ELAVL2: variants seen among roughly 807,000 people sequenced by gnomAD.
The protein encoded by ELAVL2 is ELAV like RNA binding protein 2.
In ELAVL2, 4 loss-of-function variants were observed where a neutral mutation model predicts 34.6. The ratio of observed to expected loss-of-function variants is 0.12; its 90% CI spans 0.06 to 0.26. ELAVL2 has a LOEUF of 0.26. Among genes scored for constraint, ELAVL2 ranks in the 10% least tolerant of loss-of-function variants. ELAVL2 has a pLI of 1.00. For missense variants in ELAVL2, 432 were observed against 442.8 expected, an observed-to-expected ratio of 0.98 and a Z score of 0.22; for synonymous variants, 193 against 154.8, an observed-to-expected ratio of 1.25 and a Z score of -1.83.
At chr9:23,801,867 C>T (rs2061604304) in intron 1 of ELAVL2, among the ~76,000 whole-genome samples, 1 of 152,118 alleles carries the variant, frequency 6.6e-6, no homozygotes, top group South Asian at 2.1e-4. Context: ...GAGTTTTCTT[C>T]TAACAAGCGC....
intron 3 of ELAVL2, among the ~76,000 whole-genome samples, chr9:23,713,793 C>T (rs1037158924): frequency 1.3e-5 from 2 of 152,148 alleles, no homozygotes; most frequent in Non-Finnish European, 2.9e-5. Context: ...CTGGCCACTA[C>T]ACAGCATACT....
At chr9:23,724,660 TAGA>T in intron 3 of ELAVL2, among the ~76,000 whole-genome samples, 1 of 152,258 alleles carries the variant, frequency 6.6e-6, no homozygotes, top group East Asian at 1.9e-4. Context: ...TCAATATAGA[TAGA>T]AGCATTTTAT....
intron 1 of ELAVL2, among the ~76,000 whole-genome samples, chr9:23,822,225 C>G (rs1465918662): frequency 2.0e-5 from 3 of 152,050 alleles, no homozygotes; most frequent in Admixed American, 2.0e-4. Context: ...ATATGTGTGT[C>G]TCTTTTAAAA....
chr9:23,704,373 C>T (rs895193200), intron 4 of ELAVL2, among the ~76,000 whole-genome samples: 2 of 152,176 alleles, frequency 1.3e-5, no homozygotes, highest in African/African-American at 4.8e-5. Flanking sequence ...ACATTTTAGT[C>T]TTCCCATTTC....
chr9:23,810,030 C>T (rs1349182602), intron 1 of ELAVL2, among the ~76,000 whole-genome samples: 2 of 152,202 alleles, frequency 1.3e-5, no homozygotes, highest in Non-Finnish European at 2.9e-5. Flanking sequence ...ATTGGGAACA[C>T]ATTTTTTTTC....
chr9:23,748,109 G>C (rs1225282957), intron 2 of ELAVL2, among the ~76,000 whole-genome samples: 1 of 151,132 alleles, frequency 6.6e-6, no homozygotes, highest in African/African-American at 2.4e-5. Flanking sequence ...AAAAGAAATG[G>C]CTCTGTCCTG....
intron 1 of ELAVL2, among the ~76,000 whole-genome samples, chr9:23,811,979 A>G (rs2063069049): frequency 6.6e-6 from 1 of 152,176 alleles, no homozygotes; most frequent in Admixed American, 6.5e-5. Flanking sequence ...AAATGGACCA[A>G]GAAAAGACAC....
chr9:23,759,415 AG>A (rs1233273997), intron 2 of ELAVL2, among the ~76,000 whole-genome samples: 2 of 151,844 alleles, frequency 1.3e-5, no homozygotes, highest in Non-Finnish European at 2.9e-5. Flanking sequence ...GAGAGGAGGA[AG>A]GAAGGAGGGG....
At chr9:23,798,701 G>C (rs986216908) in intron 1 of ELAVL2, among the ~76,000 whole-genome samples, 3 of 152,112 alleles carry the variant, frequency 2.0e-5, no homozygotes, top group African/African-American at 4.8e-5. Context: ...AGATTTTTCT[G>C]TTCCTATCCT....
the ELAVL2 span, among the ~76,000 whole-genome samples, chr9:23,841,625 G>C: frequency 6.6e-6 from 1 of 152,164 alleles, no homozygotes; most frequent in East Asian, 1.9e-4. Flanking sequence ...TTGGCAAGCT[G>C]TTGGTAGATC....
chr9:23,791,590 A>G (rs34684301), intron 1 of ELAVL2, among the ~76,000 whole-genome samples: 39 of 151,914 alleles, frequency 2.6e-4, no homozygotes, highest in Non-Finnish European at 4.9e-4. Context: ...ATAAGTGTAA[A>G]TAATTAAGAA....
At chr9:23,746,043 G>T (rs1035613308) in intron 2 of ELAVL2, among the ~76,000 whole-genome samples, 1 of 151,916 alleles carries the variant, frequency 6.6e-6, no homozygotes, top group African/African-American at 2.4e-5. Context: ...GGGAGGATCG[G>T]TATCTTCACT....
chr9:23,834,212 ATGT>A, the ELAVL2 span, among the ~76,000 whole-genome samples: 3 of 152,022 alleles, frequency 2.0e-5, no homozygotes, highest in Non-Finnish European at 4.4e-5. Context: ...TGTCTGGTTT[ATGT>A]TGTTGTTATT....
At chr9:23,750,522 A>T (rs910211517) in intron 2 of ELAVL2, among the ~76,000 whole-genome samples, 4 of 152,174 alleles carry the variant, frequency 2.6e-5, no homozygotes, top group African/African-American at 7.2e-5. Flanking sequence ...AGAAGGTAGT[A>T]CACTGTCTGC....
chr9:23,789,248 C>T (rs1422268332), intron 1 of ELAVL2, among the ~76,000 whole-genome samples: 1 of 152,090 alleles, frequency 6.6e-6, no homozygotes, highest in Non-Finnish European at 1.5e-5. Flanking sequence ...TCAGTCTAGG[C>T]CAGTGCCCAG....
intron 1 of ELAVL2, among the ~76,000 whole-genome samples, chr9:23,762,627 C>A (rs2055305557): frequency 6.6e-6 from 1 of 151,976 alleles, no homozygotes; most frequent in South Asian, 2.1e-4. Flanking sequence ...AATAAAAGTG[C>A]TTAACATGCT....
At chr9:23,762,650 A>C (rs2055309319) in intron 1 of ELAVL2, among the ~76,000 whole-genome samples, 1 of 152,094 alleles carries the variant, frequency 6.6e-6, no homozygotes, top group South Asian at 2.1e-4. Flanking sequence ...AAAAATGAAC[A>C]AAAAAATGAC....
chr9:23,714,465 G>C (rs2041803487), intron 3 of ELAVL2, among the ~76,000 whole-genome samples: 1 of 152,154 alleles, frequency 6.6e-6, no homozygotes, highest in Non-Finnish European at 1.5e-5. Flanking sequence ...CTGGATGGAG[G>C]GAACATAAGG....
At chr9:23,828,571 A>G (rs2065401763), upstream of ELAVL2, among the ~76,000 whole-genome samples, 1 of 152,168 alleles carries the variant, frequency 6.6e-6, no homozygotes, top group Admixed American at 6.5e-5. Flanking sequence ...AAAATAGTAA[A>G]CTTGTTCATT....
Sources: gnomAD v4.1 joint callset for allele counts (sites outside exome capture counted in the v4.1 genomes callset) on GRCh38, gnomAD v4.1.1 for gene constraint, MANE v1.5 for transcripts, NCBI Gene and HGNC (gene_info 2026-07-23, HGNC 2026-07-21) for gene names.